B3GALT1: variants seen among roughly 807,000 people sequenced by gnomAD.
B3GALT1 encodes the protein beta-1,3-galactosyltransferase 1.
Under a neutral mutation model 23.2 loss-of-function variants are expected in B3GALT1, and 10 were observed. The observed-to-expected ratio is 0.43, with a 90% CI of 0.27 to 0.73. The LOEUF (loss-of-function observed/expected upper bound fraction) is 0.73. B3GALT1 is among the 30% of genes least tolerant of loss of function. The probability of loss-of-function intolerance (pLI) is 0.21; values close to 1 mark genes in which losing one functional copy is unlikely to be tolerated. For missense variants in B3GALT1, 299 were observed against 405.4 expected (o/e 0.74, Z 2.25); for synonymous variants, 156 against 141.5 (o/e 1.10, Z -0.73).
chr2:167,433,026 C>T (rs1361623365), intron 1 of B3GALT1, among the ~76,000 whole-genome samples: 1 of 152,184 alleles, frequency 6.6e-6, no homozygotes, highest in East Asian at 1.9e-4. Context: ...GTATCTAGCA[C>T]TATAGTGTCA....
At chr2:167,865,778 C>T (rs368664373) in intron 4 of B3GALT1, among the ~76,000 whole-genome samples, 2 of 151,838 alleles carry the variant, frequency 1.3e-5, no homozygotes, top group Admixed American at 6.6e-5. Context: ...GGCAACAGAG[C>T]GAGACTCCGT....
At chr2:167,867,233 T>A (rs764869027) in intron 4 of B3GALT1, among the ~76,000 whole-genome samples, 117 of 152,284 alleles carry the variant, frequency 7.7e-4, no homozygotes, top group Non-Finnish European at 1.6e-3. Flanking sequence ...GCCGAGAAGC[T>A]CTTTTTTTCT....
At chr2:167,642,779 G>C (rs182423533) in intron 2 of B3GALT1, among the ~76,000 whole-genome samples, 1 of 152,158 alleles carries the variant, frequency 6.6e-6, no homozygotes, top group Admixed American at 6.5e-5. Flanking sequence ...CCCTCTTCAG[G>C]AGTGTAAACT....
chr2:167,784,507 A>T (rs1688307382), intron 3 of B3GALT1, among the ~76,000 whole-genome samples: 1 of 152,240 alleles, frequency 6.6e-6, no homozygotes, highest in African/African-American at 2.4e-5. Context: ...CCTTAAGCTA[A>T]GTATTCCCAC....
At chr2:167,551,824 G>A (rs2105381222) in intron 2 of B3GALT1, among the ~76,000 whole-genome samples, 1 of 152,258 alleles carries the variant, frequency 6.6e-6, no homozygotes, top group African/African-American at 2.4e-5. Flanking sequence ...GTAGATATGT[G>A]AGAAGTGGCA....
At chr2:167,640,469 A>G (rs1027445740) in intron 2 of B3GALT1, among the ~76,000 whole-genome samples, 2 of 152,032 alleles carry the variant, frequency 1.3e-5, no homozygotes, top group African/African-American at 2.4e-5. Context: ...TTTTTAAACT[A>G]TCAGCTGCCT....
intron 1 of B3GALT1, among the ~76,000 whole-genome samples, chr2:167,469,490 T>C (rs1275774247): frequency 6.6e-6 from 1 of 152,200 alleles, no homozygotes; most frequent in Non-Finnish European, 1.5e-5. Context: ...TTTTATTCAC[T>C]TATATTGTCT....
In B3GALT1 at chr2:167,527,099, C is replaced by T. The variant is rs181964986; in HGVS notation, c.-410+36822C>T. On this transcript the variant is annotated intron_variant, in intron 2 of 4. Coordinates refer to ENST00000392690, the MANE Select transcript of B3GALT1 (RefSeq NM_020981.4). Reference sequence around the variant, plus strand: ...TTTGTCATAACTTATTTAATCATATCCTATGATATGATGTTTATAGTCCTA... The same window carrying T: ...TTTGTCATAACTTATTTAATCATATTCTATGATATGATGTTTATAGTCCTA... Among the ~76,000 whole-genome samples the T allele has an allele frequency of 2.0e-5, 3 of 152,108 alleles. No individual in the cohort carries two copies. The East Asian group carries it at 5.8e-4, about 29-fold the overall frequency.
At chr2:167,786,048 T>G (rs1553487164) in intron 3 of B3GALT1, among the ~76,000 whole-genome samples, 1 of 152,240 alleles carries the variant, frequency 6.6e-6, no homozygotes, top group Non-Finnish European at 1.5e-5. Flanking sequence ...TAGTCAGATT[T>G]TCTGAGTCAC....
At chr2:167,762,432 G>A (rs761771655) in intron 3 of B3GALT1, among the ~76,000 whole-genome samples, 25 of 152,018 alleles carry the variant, frequency 1.6e-4, no homozygotes, top group Non-Finnish European at 2.8e-4. Context: ...AGAAACATCC[G>A]AAAGAATAAA....
chr2:167,594,094 T>C (rs145101022), intron 2 of B3GALT1, among the ~76,000 whole-genome samples: 1,918 of 152,298 alleles, frequency 0.013, 46 homozygotes, highest in Non-Finnish European at 0.012. Context: ...GCCACTTAAT[T>C]ACAGGTGTTC....
At chr2:167,502,680 G>A (rs1443541340) in intron 2 of B3GALT1, among the ~76,000 whole-genome samples, 2 of 151,990 alleles carry the variant, frequency 1.3e-5, no homozygotes, top group Non-Finnish European at 2.9e-5. Context: ...AGAACAGCAA[G>A]GGGGGGATCC....
intron 2 of B3GALT1, among the ~76,000 whole-genome samples, chr2:167,545,468 A>G (rs910412333): frequency 2.6e-5 from 4 of 152,172 alleles, no homozygotes; most frequent in Non-Finnish European, 5.9e-5. Context: ...GGCTGCAGCT[A>G]GAGCTTAAAC....
At chr2:167,760,842 G>A (rs936220544) in intron 3 of B3GALT1, among the ~76,000 whole-genome samples, 4 of 152,156 alleles carry the variant, frequency 2.6e-5, no homozygotes, top group Admixed American at 1.3e-4. Flanking sequence ...AGAAATTCTA[G>A]AAGAGGAAGA....
intron 1 of B3GALT1, among the ~76,000 whole-genome samples, chr2:167,400,190 G>GTGTGTGTGTGTGTC (rs1303294088): frequency 6.6e-6 from 1 of 150,982 alleles, no homozygotes; most frequent in African/African-American, 2.4e-5. Flanking sequence ...GTGTGTGTGT[G>GTGTGTGTGTGTGTC]TGTCTGTGTG....
intron 1 of B3GALT1, among the ~76,000 whole-genome samples, chr2:167,465,161 A>AG (rs1233319632): frequency 6.6e-6 from 1 of 152,182 alleles, no homozygotes; most frequent in African/African-American, 2.4e-5. Flanking sequence ...ATAAAGTAAG[A>AG]GAAAAATTAG....
intron 1 of B3GALT1, among the ~76,000 whole-genome samples, chr2:167,423,725 T>C (rs769674456): frequency 3.3e-5 from 5 of 152,158 alleles, no homozygotes; most frequent in Admixed American, 1.3e-4. Flanking sequence ...GATATAGCAA[T>C]CCCTCTAACT....
Position 167,823,114 on chromosome 2 carries a change from C to T in B3GALT1, c.-230+4321C>T, listed in dbSNP as rs150769581. 2.9e-3 allele frequency among the ~76,000 whole-genome samples: 433 copies of T among 149,658 alleles called. 8 individuals carry two copies. Among genetic ancestry groups the T allele is most frequent in the African/African-American group, 0.01 (413 of 41,254 alleles). ...TGCCATCAGTAAAGGAGCTCTGAGA[C>T]CCCCCCAGGTGGGGGCCCCATGGGG... On this transcript the variant is annotated intron_variant, in intron 4 of 4. Coordinates refer to ENST00000392690, the MANE Select transcript of B3GALT1 (RefSeq NM_020981.4).
intron 1 of B3GALT1, among the ~76,000 whole-genome samples, chr2:167,374,230 G>T (rs571577324): frequency 1.3e-5 from 2 of 152,288 alleles, no homozygotes; most frequent in East Asian, 3.9e-4. Flanking sequence ...ATTCCATGAT[G>T]TTATGTACCA....
Sources: allele counts gnomAD v4.1 joint callset (sites outside exome capture counted in the v4.1 genomes callset), GRCh38; gene constraint gnomAD v4.1.1; transcripts MANE v1.5; gene names NCBI Gene and HGNC (gene_info 2026-07-23, HGNC 2026-07-21).